PALM2AKAP2: variants seen among roughly 807,000 people sequenced by gnomAD.
PALM2AKAP2 encodes the protein PALM2-AKAP2 fusion protein.
Under a neutral mutation model 71.5 loss-of-function variants are expected in PALM2AKAP2, and 37 were observed. That is an observed-to-expected ratio of 0.52 (90% CI 0.40 to 0.68). The LOEUF is 0.68. Among genes scored for constraint, PALM2AKAP2 ranks in the 30% least tolerant of loss-of-function variants. The probability of loss-of-function intolerance (pLI) is 0.00; values close to 1 mark genes in which losing one functional copy is unlikely to be tolerated. For missense variants in PALM2AKAP2, 1,224 were observed against 1,191.8 expected (o/e 1.03, Z -0.40); for synonymous variants, 468 against 478.8 (o/e 0.98, Z 0.29).
chr9:109,982,804 G>A (rs554103873), intron 6 of PALM2AKAP2, among the ~76,000 whole-genome samples: 18 of 152,148 alleles, frequency 1.2e-4, no homozygotes, highest in Non-Finnish European at 2.1e-4. Context: ...TAAACTTTTT[G>A]TAGAGATGGG....
At chr9:109,966,163 G>A (rs1821772849) in intron 6 of PALM2AKAP2, among the ~76,000 whole-genome samples, 1 of 152,204 alleles carries the variant, frequency 6.6e-6, no homozygotes, top group Non-Finnish European at 1.5e-5. Flanking sequence ...GAAAAGATCA[G>A]TGTCGGCAGA....
At chr9:109,663,781 G>A (rs2118464887) in intron 1 of PALM2AKAP2, among the ~76,000 whole-genome samples, 1 of 152,326 alleles carries the variant, frequency 6.6e-6, no homozygotes, top group Middle Eastern at 3.4e-3. Context: ...GATATTGACA[G>A]TGGGGTGTTA....
At chr9:110,102,883 C>T (rs1564306465) in intron 1 of PALM2AKAP2, among the ~76,000 whole-genome samples, 1 of 152,218 alleles carries the variant, frequency 6.6e-6, no homozygotes, top group Non-Finnish European at 1.5e-5. Flanking sequence ...AGTGATGCCA[C>T]ATCCCAGCCT....
intron 2 of PALM2AKAP2, among the ~76,000 whole-genome samples, chr9:110,145,938 G>A (rs369008887): frequency 3.2e-4 from 36 of 112,016 alleles, no homozygotes; most frequent in East Asian, 2.0e-3. Context: ...TCGTTCTGTC[G>A]CCCAGTCTGG....
At chr9:109,724,733 G>T (rs1157711065) in intron 1 of PALM2AKAP2, among the ~76,000 whole-genome samples, 1 of 152,146 alleles carries the variant, frequency 6.6e-6, no homozygotes, top group Non-Finnish European at 1.5e-5. Flanking sequence ...AGCACACATA[G>T]ATTATGCTAC....
intron 2 of PALM2AKAP2, among the ~76,000 whole-genome samples, chr9:110,149,724 A>G (rs1035842393): frequency 6.6e-6 from 1 of 152,136 alleles, no homozygotes; most frequent in Non-Finnish European, 1.5e-5. Flanking sequence ...AGCTGAGGCT[A>G]GAGAATCTCT....
intron 6 of PALM2AKAP2, among the ~76,000 whole-genome samples, chr9:109,988,705 G>C (rs539284553): frequency 6.6e-6 from 1 of 152,020 alleles, no homozygotes; most frequent in Non-Finnish European, 1.5e-5. Flanking sequence ...AGGAGGAAGG[G>C]AGGAAGGAAG....
chr9:109,844,730 C>T (rs1413589900), intron 1 of PALM2AKAP2, among the ~76,000 whole-genome samples: 15 of 152,138 alleles, frequency 9.9e-5, no homozygotes, highest in Non-Finnish European at 1.8e-4. Context: ...TATGTAAGTG[C>T]CCCTTGCTGC....
At chr9:109,793,384 T>C (rs1827168842) in intron 1 of PALM2AKAP2, among the ~76,000 whole-genome samples, 1 of 152,218 alleles carries the variant, frequency 6.6e-6, no homozygotes, top group African/African-American at 2.4e-5. Flanking sequence ...AACATTGGAA[T>C]GCTAGCCTTC....
intron 1 of PALM2AKAP2, among the ~76,000 whole-genome samples, chr9:109,749,092 C>G (rs1424306365): frequency 1.3e-5 from 2 of 152,090 alleles, no homozygotes; most frequent in Non-Finnish European, 2.9e-5. Context: ...GATGTGCTCT[C>G]CCTTAGGGGG....
chr9:109,744,310 T>C (rs1231165913), intron 1 of PALM2AKAP2, among the ~76,000 whole-genome samples: 9 of 152,134 alleles, frequency 5.9e-5, no homozygotes, highest in Non-Finnish European at 1.3e-4. Context: ...CAGAAATAAT[T>C]ATAAAGACTT....
chr9:109,681,486 G>T (rs968106209), intron 1 of PALM2AKAP2, among the ~76,000 whole-genome samples: 1 of 152,166 alleles, frequency 6.6e-6, no homozygotes, highest in Non-Finnish European at 1.5e-5. Context: ...GTCACAGTGG[G>T]GTTGTAGAGA....
Position 109,904,904 on chromosome 9 carries a change from G to A in PALM2AKAP2, c.258-18831G>A, listed in dbSNP as rs888833311. Among the ~76,000 whole-genome samples, 5 of 152,234 alleles carry A rather than the reference G, an allele frequency of 3.3e-5. No homozygotes were observed. In the South Asian group the frequency reaches 1.0e-3, roughly 32 times the overall value. On this transcript the variant is annotated intron_variant, in intron 3 of 9. Transcript: ENST00000302798. ...TAAGTGGCATTGTTTTTCTTTGGACGTTATGCAAGCCACTTCTGTGCTGTA... is the reference window on the plus strand; with the variant it reads ...TAAGTGGCATTGTTTTTCTTTGGACATTATGCAAGCCACTTCTGTGCTGTA...
At chr9:109,966,580 T>G (rs910346918) in intron 6 of PALM2AKAP2, among the ~76,000 whole-genome samples, 2 of 152,254 alleles carry the variant, frequency 1.3e-5, no homozygotes, top group Non-Finnish European at 2.9e-5. Context: ...GAGTCAATAT[T>G]TGTAAAGATC....
At chr9:110,052,166 T>C (rs1280873539) in intron 1 of PALM2AKAP2, among the ~76,000 whole-genome samples, 3 of 152,238 alleles carry the variant, frequency 2.0e-5, no homozygotes, top group African/African-American at 7.2e-5. Context: ...CCTCCCAAAA[T>C]GCTGGGATTA....
At chr9:110,024,522 G>A (rs752430263) in intron 7 of PALM2AKAP2, among the ~76,000 whole-genome samples, 2 of 151,760 alleles carry the variant, frequency 1.3e-5, no homozygotes, top group African/African-American at 4.8e-5. Flanking sequence ...GGTGGCTTAC[G>A]CCTGTGATCC....
intron 1 of PALM2AKAP2, among the ~76,000 whole-genome samples, chr9:110,119,265 C>T (rs1317961380): frequency 6.7e-6 from 1 of 149,644 alleles, no homozygotes; most frequent in Non-Finnish European, 1.5e-5. Flanking sequence ...TTTGCTTGAA[C>T]CCGGGAGGCA....
intron 1 of PALM2AKAP2, among the ~76,000 whole-genome samples, chr9:109,843,198 C>G (rs1387314554): frequency 1.4e-5 from 2 of 138,996 alleles, no homozygotes; most frequent in African/African-American, 2.7e-5. Context: ...CTCAGCTACT[C>G]AGGAGGCTAA....
chr9:110,035,227 TATATA>T (rs1255744647), intron 7 of PALM2AKAP2, among the ~76,000 whole-genome samples: 1 of 142,016 alleles, frequency 7.0e-6, no homozygotes, highest in East Asian at 2.0e-4. Flanking sequence ...ATAAAAAATA[TATATA>T]ATATAATATA....
Sources: gnomAD v4.1 joint callset for allele counts (sites outside exome capture counted in the v4.1 genomes callset) on GRCh38, gnomAD v4.1.1 for gene constraint, MANE v1.5 for transcripts, NCBI Gene and HGNC (gene_info 2026-07-23, HGNC 2026-07-21) for gene names.